CNTN3: variants seen among roughly 807,000 people sequenced by gnomAD.
CNTN3 encodes contactin-3.
Under a neutral mutation model 119.1 loss-of-function variants are expected in CNTN3, and 60 were observed. That is an observed-to-expected ratio of 0.50 (90% CI 0.41 to 0.62). The LOEUF (loss-of-function observed/expected upper bound fraction) is 0.62. Ranked by LOEUF, CNTN3 falls within the 20% of genes least tolerant of loss-of-function variation. The probability of loss-of-function intolerance (pLI) is 0.00; values close to 1 mark genes in which losing one functional copy is unlikely to be tolerated. For missense variants in CNTN3, 1,101 were observed against 1,242.4 expected, an observed-to-expected ratio of 0.89 and a Z score of 1.71; for synonymous variants, 450 against 438.7, an observed-to-expected ratio of 1.03 and a Z score of -0.32.
intron 5 of CNTN3, among the ~76,000 whole-genome samples, chr3:74,391,993 CT>C (rs1704924163): frequency 6.6e-6 from 1 of 152,060 alleles, no homozygotes; most frequent in Non-Finnish European, 1.5e-5. Context: ...ACATTGTCTT[CT>C]AATTTCTATG....
At chr3:74,416,575 T>C (rs1701526237) in intron 5 of CNTN3, among the ~76,000 whole-genome samples, 1 of 152,142 alleles carries the variant, frequency 6.6e-6, no homozygotes, top group Non-Finnish European at 1.5e-5. Flanking sequence ...AGGTTTTCAT[T>C]GTTACAGAGT....
At chr3:74,312,325 G>A (rs1038804701) in intron 13 of CNTN3, among the ~76,000 whole-genome samples, 12 of 151,576 alleles carry the variant, frequency 7.9e-5, no homozygotes, top group East Asian at 5.9e-4. Context: ...GCGTGGTGGC[G>A]GGTGCCTGTA....
chr3:74,396,193 C>A, intron 5 of CNTN3, among the ~76,000 whole-genome samples: 1 of 152,016 alleles, frequency 6.6e-6, no homozygotes, highest in East Asian at 1.9e-4. Context: ...TACTTTAAAT[C>A]AAAAGCCAGC....
intron 19 of CNTN3, among the ~76,000 whole-genome samples, chr3:74,292,842 C>T (rs1216728213): frequency 3.9e-5 from 6 of 152,212 alleles, no homozygotes; most frequent in Admixed American, 6.5e-5. Context: ...CCTCCATTGC[C>T]AATGCCACTG....
chr3:74,355,510 A>C (rs574356846), intron 11 of CNTN3, among the ~76,000 whole-genome samples: 1 of 151,986 alleles, frequency 6.6e-6, no homozygotes, highest in Admixed American at 6.6e-5. Flanking sequence ...GCTGGAGTGC[A>C]GTGGCAAGGT....
intron 4 of CNTN3, among the ~76,000 whole-genome samples, chr3:74,453,124 C>T (rs563587008): frequency 1.8e-3 from 268 of 152,110 alleles, no homozygotes; most frequent in African/African-American, 6.3e-3. Flanking sequence ...TGGCAGAATT[C>T]GGCTGTGAAT....
chr3:74,546,944 TATTTTGTTG>T (rs148002248), intron 1 of CNTN3, among the ~76,000 whole-genome samples: 5,625 of 152,314 alleles, frequency 0.037, 130 homozygotes, highest in South Asian at 0.069. Context: ...CATTTCTCCT[TATTTTGTTG>T]ATTTCGCAAA....
intron 4 of CNTN3, among the ~76,000 whole-genome samples, chr3:74,470,242 C>G (rs1032759463): frequency 6.6e-6 from 1 of 152,024 alleles, no homozygotes; most frequent in Admixed American, 6.6e-5. Flanking sequence ...ATGATAATAA[C>G]TCTCTAAAAT....
chr3:74,534,708 C>T (rs1445360258), intron 1 of CNTN3, among the ~76,000 whole-genome samples: 1 of 151,920 alleles, frequency 6.6e-6, no homozygotes, highest in Non-Finnish European at 1.5e-5. Flanking sequence ...GTGTTTCTTA[C>T]TAAGAGAACA....
At chr3:74,285,839 A>ATATATATATAT (rs1575698065) in intron 19 of CNTN3, among the ~76,000 whole-genome samples, 4 of 133,294 alleles carry the variant, frequency 3.0e-5, no homozygotes, top group Non-Finnish European at 4.8e-5. Flanking sequence ...ATATATATAT[A>ATATATATATAT]AAATTAAAAA....
chr3:74,551,318 T>C (rs13078848), intron 1 of CNTN3, among the ~76,000 whole-genome samples: 129,924 of 152,144 alleles, frequency 0.85, 56,421 homozygotes, highest in East Asian at 0.93. Context: ...TTTTTATTAA[T>C]AGGTTTTATT....
chr3:74,425,855 T>C (rs1352312518), intron 4 of CNTN3, among the ~76,000 whole-genome samples: 2 of 152,100 alleles, frequency 1.3e-5, no homozygotes, highest in African/African-American at 4.8e-5. Context: ...GGAAGATATA[T>C]TGTCACTGAA....
chr3:74,537,137 G>GA (rs1703777221), intron 1 of CNTN3, among the ~76,000 whole-genome samples: 1 of 151,972 alleles, frequency 6.6e-6, no homozygotes, highest in Admixed American at 6.6e-5. Flanking sequence ...ATAACAACAA[G>GA]AAACTATTAA....
Position 74,369,333 on chromosome 3 carries a change from G to A in CNTN3, c.802C>T (p.Pro268Ser). The A allele has an allele frequency of 1.2e-6, 2 of 1,607,272 alleles. No homozygotes were observed. The highest frequency in any genetic ancestry group is 2.2e-5 in the South Asian group (2 of 90,182). The stretch of plus-strand genomic sequence containing the variant: ...CTTAATTTAATTTTGCTGGAAAATG[G>A]CAGCCCATCACTTCTTCTCCAATTA... ...QINWRRSDGL[P>S]FSSKIKLRKF... Residue 268 changes from proline (P) to serine (S), a missense_variant, in exon 8 of 23, where the codon CCA becomes TCA. Pro to Ser is a moderately conservative substitution (Grantham distance 74). Transcript: ENST00000263665.
chr3:74,347,694 C>T (rs1316199350), intron 11 of CNTN3, among the ~76,000 whole-genome samples: 3 of 152,148 alleles, frequency 2.0e-5, no homozygotes, highest in Non-Finnish European at 4.4e-5. Context: ...CTGTGGTATC[C>T]TCAGAGCCTT....
chr3:74,348,675 G>C (rs913766239), intron 11 of CNTN3, among the ~76,000 whole-genome samples: 3 of 152,140 alleles, frequency 2.0e-5, no homozygotes, highest in Non-Finnish European at 4.4e-5. Context: ...CCATCCCACT[G>C]CAGCCACAGG....
At chr3:74,274,875 G>C (rs2106759224) in intron 20 of CNTN3, among the ~76,000 whole-genome samples, 1 of 152,262 alleles carries the variant, frequency 6.6e-6, no homozygotes, top group Middle Eastern at 3.4e-3. Flanking sequence ...CCAGAGAAAA[G>C]TGAAGCCCAA....
chr3:74,607,862 C>A lies in CNTN3; in HGVS notation c.-81+6529G>T, dbSNP rs567317440. ...TAAGTTAAAATCCTAGAAACATGAA[C>A]CTCTACATGGGATAAAACCGTGTAG... On this transcript the variant is annotated intron_variant, in intron 1 of 22. Transcript: ENST00000263665. 6.6e-5 allele frequency among the ~76,000 whole-genome samples: 10 copies of A among 152,226 alleles called. No individual in the cohort carries two copies. In the South Asian group the frequency reaches 2.1e-3, roughly 32 times the overall value.
rs537959125 is a variant in CNTN3, at chr3:74,262,955, T to C, written c.*1446A>G. The C allele has an allele frequency of 1.3e-5, 2 of 152,190 alleles. No homozygotes were observed. Among genetic ancestry groups the C allele is most frequent in the South Asian group, 4.1e-4 (2 of 4,822 alleles). 9.4% of individuals were successfully genotyped at this position (152,190 alleles called of 1,614,324 possible). A position where few individuals can be genotyped will look rare whatever the true frequency, so the allele number is the denominator to read the frequency against. Reference sequence around the variant, plus strand: ...GTTTTTGTGTATGATGACTTTATCTTAAATGTAATCTCTAAATGTAAAATA... The same window carrying C: ...GTTTTTGTGTATGATGACTTTATCTCAAATGTAATCTCTAAATGTAAAATA... On this transcript the variant is annotated 3_prime_UTR_variant, in exon 23 of 23. Coordinates refer to ENST00000263665, the MANE Select transcript of CNTN3 (RefSeq NM_020872.3).
Sources: allele counts gnomAD v4.1 joint callset (sites outside exome capture counted in the v4.1 genomes callset), GRCh38; gene constraint gnomAD v4.1.1; transcripts MANE v1.5; gene names NCBI Gene and HGNC (gene_info 2026-07-23, HGNC 2026-07-21).